Variants in NECAB1 observed in about 807,000 individuals in gnomAD.
The protein encoded by NECAB1 is N-terminal EF-hand calcium-binding protein 1.
NECAB1 carries 29 observed loss-of-function variants against 57.5 expected under a neutral mutation model. The ratio of observed to expected loss-of-function variants is 0.50; its 90% CI spans 0.38 to 0.69. The LOEUF is 0.69. Ranked by LOEUF, NECAB1 falls within the 30% of genes least tolerant of loss-of-function variation. The probability of loss-of-function intolerance (pLI) is 0.00; values close to 1 mark genes in which losing one functional copy is unlikely to be tolerated. For synonymous variants in NECAB1, 142 were observed against 147.7 expected (o/e 0.96, Z 0.28); for missense variants, 372 against 413.8 (o/e 0.90, Z 0.88).
At chr8:90,793,385 T>G (rs562699762) in intron 1 of NECAB1, among the ~76,000 whole-genome samples, 50 of 152,310 alleles carry the variant, frequency 3.3e-4, no homozygotes, top group African/African-American at 1.2e-3. Flanking sequence ...GCTGGTCATC[T>G]CCTTCCCACC....
At position 90,934,000 on chromosome 8, in the gene NECAB1, A is replaced by G. The variant is rs529386269; in HGVS notation, c.694-304A>G. On this transcript the variant is annotated intron_variant, in intron 8 of 12. Coordinates refer to ENST00000417640, the MANE Select transcript of NECAB1 (RefSeq NM_022351.5). ...TTCCTTTTCTTTCGTTTACCTTCCT[A>G]CCCTTTCCCTCTCTGTTTTAATGTA... 3.3e-5 allele frequency among the ~76,000 whole-genome samples: 5 copies of G among 151,974 alleles called. No individual in the cohort carries two copies. The South Asian group carries it at 1.0e-3, about 32-fold the overall frequency.
intron 5 of NECAB1, among the ~76,000 whole-genome samples, chr8:90,888,650 GAATT>G (rs529777299): frequency 4.6e-4 from 70 of 152,212 alleles, no homozygotes; most frequent in African/African-American, 1.6e-3. Flanking sequence ...TGTTATTTGA[GAATT>G]AATTAGTTTT....
At chr8:90,939,429 C>CA (rs2130232733) in intron 9 of NECAB1, among the ~76,000 whole-genome samples, 1 of 152,318 alleles carries the variant, frequency 6.6e-6, no homozygotes, top group South Asian at 2.1e-4. Context: ...GCTAAAAAGT[C>CA]AAATTAGTCA....
chr8:90,878,208 A>G (rs1240372343), intron 4 of NECAB1, among the ~76,000 whole-genome samples: 3 of 151,988 alleles, frequency 2.0e-5, no homozygotes. Flanking sequence ...TGTCTTTAAC[A>G]ATGATTATGT....
At position 90,791,841 on chromosome 8, in the gene NECAB1, C is replaced by A; in HGVS notation, c.-46C>A. On this transcript the variant is annotated 5_prime_UTR_variant, in exon 1 of 13. Coordinates refer to ENST00000417640, the MANE Select transcript of NECAB1 (RefSeq NM_022351.5). ...GGCCGCGCCCTTGCCAGAGCCGGTG[C>A]GTCCGCCTAGCCCCGCTCCGCCTGA... The A allele has an allele frequency of 6.8e-7, 1 of 1,470,270 alleles. No homozygotes were observed. The allele number at this position is 1,470,270 out of a possible 1,614,324, so 91.1% of individuals were successfully genotyped here. A position where few individuals can be genotyped will look rare whatever the true frequency, so the allele number is the denominator to read the frequency against.
At chr8:90,831,441 G>A (rs1812297805) in intron 3 of NECAB1, among the ~76,000 whole-genome samples, 1 of 152,104 alleles carries the variant, frequency 6.6e-6, no homozygotes, top group African/African-American at 2.4e-5. Context: ...TTTAGAGGAA[G>A]ATAATCTCCT....
At chr8:90,861,456 T>C (rs994497872) in intron 3 of NECAB1, among the ~76,000 whole-genome samples, 2 of 152,154 alleles carry the variant, frequency 1.3e-5, no homozygotes, top group Non-Finnish European at 2.9e-5. Context: ...ATATAAATTA[T>C]CACGAGAAAT....
At position 90,839,646 on chromosome 8, in the gene NECAB1, C is replaced by T. The variant is rs146034321; in HGVS notation, c.233+14821C>T. On this transcript the variant is annotated intron_variant, in intron 3 of 12. Transcript: ENST00000417640. ...ATGGAGATAGAGATGATGTTTTCAG[C>T]CAGAGAGAATAGCACATATGGAAGC... Among the ~76,000 whole-genome samples the T allele has an allele frequency of 1.4e-3, 207 of 152,156 alleles. 2 individuals are homozygous for T. Among genetic ancestry groups the T allele is most frequent in the Middle Eastern group, 6.8e-3 (2 of 294 alleles).
intron 7 of NECAB1, among the ~76,000 whole-genome samples, chr8:90,927,014 T>G (rs958699288): frequency 6.6e-6 from 1 of 152,218 alleles, no homozygotes; most frequent in African/African-American, 2.4e-5. Context: ...ACATATAGAT[T>G]GTTCTTTCCA....
At chr8:90,917,870 A>ATATATATGTGTGTGTG (rs1554575432) in intron 6 of NECAB1, among the ~76,000 whole-genome samples, 5 of 64,338 alleles carry the variant, frequency 7.8e-5, no homozygotes, top group African/African-American at 3.1e-4. Flanking sequence ...ATATATATAT[A>ATATATATGTGTGTGTG]TGTGTGTGTG....
intron 8 of NECAB1, among the ~76,000 whole-genome samples, chr8:90,933,860 A>T (rs1810468526): frequency 6.6e-6 from 1 of 152,210 alleles, no homozygotes; most frequent in African/African-American, 2.4e-5. Context: ...ACACCAGGGT[A>T]TAAATGTATT....
intron 3 of NECAB1, among the ~76,000 whole-genome samples, chr8:90,831,238 T>C (rs188749126): frequency 6.6e-6 from 1 of 152,270 alleles, no homozygotes; most frequent in Non-Finnish European, 1.5e-5. Context: ...GGTTTTGAAT[T>C]ATGATAGCCT....
chr8:90,792,374 G>C (rs1161629055), intron 1 of NECAB1, among the ~76,000 whole-genome samples: 2 of 152,166 alleles, frequency 1.3e-5, no homozygotes, highest in East Asian at 3.9e-4. Flanking sequence ...CTTCACACTC[G>C]TGGATGCTCT....
rs1811079823 is a variant in NECAB1 at position 90,958,844 on chromosome 8, A to ATCT, written c.*3333_*3334insCTT. 1 of 510,536 alleles carries ATCT rather than the reference A, an allele frequency of 2.0e-6. No individual in the cohort carries two copies. Among genetic ancestry groups the ATCT allele is most frequent in the African/African-American group, 2.1e-5 (1 of 48,172 alleles). The allele number at this position is 510,536 out of a possible 1,614,324, so 31.6% of individuals were successfully genotyped here. A position where few individuals can be genotyped will look rare whatever the true frequency, so the allele number is the denominator to read the frequency against. The stretch of plus-strand genomic sequence containing the variant: ...CTGCAAAGCTGAAACTGATTAGAAA[A>ATCT]TTCTTTATATTTTAAAATAGCTCTT... On this transcript the variant is annotated 3_prime_UTR_variant, in exon 13 of 13. Coordinates refer to ENST00000417640, the MANE Select transcript of NECAB1 (RefSeq NM_022351.5).
intron 3 of NECAB1, among the ~76,000 whole-genome samples, chr8:90,856,443 A>T (rs940055539): frequency 1.2e-4 from 19 of 152,346 alleles, no homozygotes; most frequent in Middle Eastern, 6.8e-3. Context: ...AAGGAGGATT[A>T]AAAACAAGAT....
At chr8:90,918,759 G>T (rs1311843528) in intron 6 of NECAB1, among the ~76,000 whole-genome samples, 2 of 152,078 alleles carry the variant, frequency 1.3e-5, no homozygotes, top group Admixed American at 1.3e-4. Flanking sequence ...ACTTCTCTTT[G>T]GTTGTCTGGT....
intron 8 of NECAB1, 77 bp downstream of exon 8, chr8:90,928,376 C>A: frequency 9.7e-7 from 1 of 1,034,068 alleles, no homozygotes. Flanking sequence ...TGCTTTATAT[C>A]CATGACTGCC....
In NECAB1 at chr8:90,955,996, A is replaced by C. The variant is rs2130287591; in HGVS notation, c.*484A>C. 1 of 152,610 alleles carries C rather than the reference A, an allele frequency of 6.6e-6. No homozygotes were observed. Among genetic ancestry groups the C allele is most frequent in the African/African-American group, 2.4e-5 (1 of 41,564 alleles). 9.5% of individuals were successfully genotyped at this position (152,610 alleles called of 1,614,324 possible). ...TTCAACAATGTCTACTCCATCCCCA[A>C]CCCAACTCACAGCCCTATGACTACT... On this transcript the variant is annotated 3_prime_UTR_variant, in exon 13 of 13. Coordinates refer to ENST00000417640, the MANE Select transcript of NECAB1 (RefSeq NM_022351.5).
intron 2 of NECAB1, chr8:90,806,334 C>G (rs970387994): frequency 6.6e-6 from 1 of 152,128 alleles, no homozygotes; most frequent in Non-Finnish European, 1.5e-5. Flanking sequence ...CACATACCCC[C>G]AGGTCCACCG....
Sources: gnomAD v4.1 joint callset for allele counts (sites outside exome capture counted in the v4.1 genomes callset) on GRCh38, gnomAD v4.1.1 for gene constraint, MANE v1.5 for transcripts, NCBI Gene and HGNC (gene_info 2026-07-23, HGNC 2026-07-21) for gene names.